The following CACNA1H variants were observed in gnomAD, a reference collection of about 807,000 sequenced individuals.
The protein encoded by CACNA1H is voltage-dependent T-type calcium channel subunit alpha-1H.
In CACNA1H, 149 loss-of-function variants were observed where a neutral mutation model predicts 192.5. The observed-to-expected ratio is 0.77, with a 90% CI of 0.68 to 0.89. The LOEUF (loss-of-function observed/expected upper bound fraction) is 0.89. Ranked by LOEUF, CACNA1H falls within the 40% of genes least tolerant of loss-of-function variation. The pLI is 0.00. For missense variants in CACNA1H, 4,257 were observed against 3,423.5 expected, an observed-to-expected ratio of 1.24 and a Z score of -6.08; for synonymous variants, 2,202 against 1,475.2, an observed-to-expected ratio of 1.49 and a Z score of -11.29.
intron 2 of CACNA1H, among the ~76,000 whole-genome samples, chr16:1,161,280 G>T (rs558682805): frequency 1.3e-5 from 2 of 152,136 alleles, no homozygotes; most frequent in Non-Finnish European, 2.9e-5. Context: ...ATTAATGAAC[G>T]CTGTCAACTG....
intron 1 of CACNA1H, 47 bp from the exon 2 acceptor site, chr16:1,153,673 G>A (rs1359325432): frequency 8.9e-7 from 1 of 1,124,610 alleles, no homozygotes; most frequent in African/African-American, 1.6e-5. Flanking sequence ...CGGGAGGCAG[G>A]GCGGGGGCGT....
At chr16:1,164,843 G>A (rs1963596079) in intron 2 of CACNA1H, among the ~76,000 whole-genome samples, 2 of 152,198 alleles carry the variant, frequency 1.3e-5, no homozygotes, top group African/African-American at 4.8e-5. Flanking sequence ...CAGCCCTGGG[G>A]TCTGGAGGAG....
At position 1,220,262 on chromosome 16, in the gene CACNA1H, C is replaced by G; in HGVS notation, c.6330C>G (p.Pro2110=). The G allele has an allele frequency of 1.3e-6, 2 of 1,587,444 alleles. No homozygotes were observed. Among genetic ancestry groups the G allele is most frequent in the African/African-American group, 1.4e-5 (1 of 73,026 alleles). Residue 2110 remains proline (P), a synonymous_variant, in exon 35 of 35, where the codon CCC becomes CCG. Coordinates refer to ENST00000348261, the MANE Select transcript of CACNA1H (RefSeq NM_021098.3). Reference sequence around the variant, plus strand: ...GCCACATCACCAGCTCCGCCTGCCCCTGGCAGCCCACAGCCGAGCCCCATG... The same window carrying G: ...GCCACATCACCAGCTCCGCCTGCCCGTGGCAGCCCACAGCCGAGCCCCATG... ...EVSHITSSAC[P]WQPTAEPHGP...
intron 2 of CACNA1H, 22 bp downstream of exon 2, chr16:1,154,058 G>A (rs1443951366): frequency 3.2e-6 from 3 of 938,602 alleles, no homozygotes; most frequent in African/African-American, 4.5e-5. Context: ...GGCCGGCGGG[G>A]GGCGGGGGGC....
chr16:1,204,549 A>G (rs1437044800), intron 10 of CACNA1H, 91 bp downstream of exon 10: 43 of 1,017,846 alleles, frequency 4.2e-5, no homozygotes, highest in Non-Finnish European at 5.7e-5. Flanking sequence ...CCGATGCCTG[A>G]CCTGATGGTA....
Position 1,208,075 on chromosome 16 carries a change from T to A in CACNA1H, c.3217T>A (p.Ser1073Thr). The A allele has an allele frequency of 6.2e-7, 1 of 1,602,392 alleles. No individual in the cohort carries two copies. The highest frequency in any genetic ancestry group is 8.5e-7 in the Non-Finnish European group (1 of 1,175,676). ...GCACCTGGAGGGACGAGGCAGCCTG[T>A]CCCCTCCCCTCATCATGTGCACAGC... The part of the protein sequence containing the change: ...NGHLEGRGSL[S>T]PPLIMCTAAT... The change falls in exon 16 of 35, where the codon TCC becomes ACC. Residue 1073 changes from serine to threonine, a missense_variant. Transcript: ENST00000348261.
At chr16:1,193,787 G>GAGGGAGGGTTCC (rs1162566176) in intron 2 of CACNA1H, among the ~76,000 whole-genome samples, 2 of 152,154 alleles carry the variant, frequency 1.3e-5, no homozygotes, top group Non-Finnish European at 2.9e-5. Context: ...GGCTTGGTGG[G>GAGGGAGGGTTCC]AGGGAGGGTT....
rs1396883636 is a variant in CACNA1H, at chr16:1,220,909, TCA to T, written c.6980_6981del (p.Thr2327SerfsTer24). On this transcript the variant is annotated frameshift_variant, in exon 35 of 35. Transcript: ENST00000348261. LOFTEE classifies it low-confidence loss of function (END_TRUNC). ...CCAGAGAAGAGGCGGGGGCTGTACC[TCA>T]CAGTCCCCCAGTGTCCTCTGGAGAA... The T allele has an allele frequency of 9.3e-6, 15 of 1,610,110 alleles. No homozygotes were observed. The highest frequency in any genetic ancestry group is 1.3e-5 in the Non-Finnish European group (15 of 1,177,888).
At chr16:1,192,281 C>G (rs1966691944) in intron 2 of CACNA1H, among the ~76,000 whole-genome samples, 2 of 152,234 alleles carry the variant, frequency 1.3e-5, no homozygotes, top group East Asian at 1.9e-4. Context: ...AGGTAGGACC[C>G]TGGCCTGGGG....
rs375691821 is a variant in CACNA1H at position 1,215,355 on chromosome 16, G to A, written c.5153G>A (p.Arg1718His). 1.1e-5 allele frequency: 18 copies of A among 1,611,492 alleles called. No individual in the cohort carries two copies. The highest frequency in any genetic ancestry group is 1.7e-5 in the Admixed American group (1 of 59,872). Residue 1718 changes from arginine to histidine, a missense_variant, in exon 29 of 35, where the codon CGC (arginine) becomes CAC (histidine). Physicochemically the swap from Arg to His is conservative, Grantham distance 29. Transcript: ENST00000348261. The part of the protein sequence containing the change: ...PINPTIIRIM[R>H]VLRIARVLKL... ...AACCCCACCATCATCCGCATCATGC[G>A]CGTGCTTCGCATTGCCCGTGGTAGG...
chr16:1,172,427 G>A (rs911877134), intron 2 of CACNA1H, among the ~76,000 whole-genome samples: 5 of 152,058 alleles, frequency 3.3e-5, no homozygotes, highest in African/African-American at 4.8e-5. Flanking sequence ...GTGGCAGCGC[G>A]GCTGCCCTCA....
At chr16:1,205,296 G>T in intron 11 of CACNA1H, 31 bp downstream of exon 11, 5 of 1,575,488 alleles carry the variant, frequency 3.2e-6, no homozygotes, top group Non-Finnish European at 4.3e-6. Flanking sequence ...CAGGAAGAGG[G>T]GCCCGGGAAG....
chr16:1,184,548 G>A (rs1448999154), intron 2 of CACNA1H, among the ~76,000 whole-genome samples: 2 of 152,254 alleles, frequency 1.3e-5, no homozygotes, highest in Admixed American at 1.3e-4. Flanking sequence ...TGCCGCATCA[G>A]CCTCCAGGCA....
intron 2 of CACNA1H, among the ~76,000 whole-genome samples, chr16:1,160,372 C>T (rs1051330604): frequency 6.6e-6 from 1 of 152,186 alleles, no homozygotes; most frequent in African/African-American, 2.4e-5. Context: ...TGGGCAGATA[C>T]AAGGGGTGAA....
At chr16:1,216,444 T>C (rs1471085029) in intron 30 of CACNA1H, among the ~76,000 whole-genome samples, 1 of 152,050 alleles carries the variant, frequency 6.6e-6, no homozygotes, top group African/African-American at 2.4e-5. Flanking sequence ...GGTGGGTGGC[T>C]CACAAGAGAG....
chr16:1,201,009 C>T (rs918120924), intron 8 of CACNA1H, among the ~76,000 whole-genome samples: 14 of 152,072 alleles, frequency 9.2e-5, no homozygotes, highest in Admixed American at 6.5e-5. Context: ...AGACAGGGTC[C>T]AGGCCTGTGG....
At chr16:1,196,305 C>G (rs1054413950) in intron 5 of CACNA1H, among the ~76,000 whole-genome samples, 1 of 152,278 alleles carries the variant, frequency 6.6e-6, no homozygotes, top group Non-Finnish European at 1.5e-5. Flanking sequence ...ACCTCCGGTT[C>G]CTTCTCTGCA....
At chr16:1,217,179 C>T (rs1051111898) in intron 31 of CACNA1H, among the ~76,000 whole-genome samples, 169 bp downstream of exon 31, 6 of 152,336 alleles carry the variant, frequency 3.9e-5, no homozygotes, top group African/African-American at 9.6e-5. Context: ...CTTTTCTGCA[C>T]GAGGCCGAGT....
chr16:1,204,551 C>CGTCCTACCATCAGG, intron 10 of CACNA1H, 93 bp downstream of exon 10: 1 of 999,140 alleles, frequency 1.0e-6, no homozygotes, highest in Non-Finnish European at 1.5e-6. Context: ...GATGCCTGAC[C>CGTCCTACCATCAGG]TGATGGTAGG....
Sources: allele counts gnomAD v4.1 joint callset (sites outside exome capture counted in the v4.1 genomes callset), GRCh38; gene constraint gnomAD v4.1.1; transcripts MANE v1.5; gene names NCBI Gene and HGNC (gene_info 2026-07-23, HGNC 2026-07-21).